HNRNPC: variants seen among roughly 807,000 people sequenced by gnomAD.
The protein encoded by HNRNPC is heterogeneous nuclear ribonucleoprotein C.
A neutral mutation model predicts 33.2 loss-of-function variants in HNRNPC; 3 were observed. The observed-to-expected ratio is 0.09, with a 90% CI of 0.04 to 0.23. The LOEUF (loss-of-function observed/expected upper bound fraction) is 0.23. Ranked by LOEUF, HNRNPC falls within the 10% of genes least tolerant of loss-of-function variation. The pLI, the probability that HNRNPC is intolerant of heterozygous loss-of-function variation, is 1.00. For synonymous variants in HNRNPC, 121 were observed against 126.7 expected, an observed-to-expected ratio of 0.96 and a Z score of 0.30; for missense variants, 143 against 366.7, an observed-to-expected ratio of 0.39 and a Z score of 4.98.
At position 21,210,794 on chromosome 14, in the gene HNRNPC, T is replaced by C. The variant is rs895530155; in HGVS notation, c.*429A>G. 4.4e-5 allele frequency: 8 copies of C among 181,704 alleles called. No homozygotes were observed. Among genetic ancestry groups the C allele is most frequent in the South Asian group, 3.8e-4 (3 of 7,804 alleles). 11.3% of individuals were successfully genotyped at this position (181,704 alleles called of 1,614,324 possible). The stretch of plus-strand genomic sequence containing the variant: ...CACTAATGTGAGGGTGTAACACACA[T>C]ACTTCTAACTCAAAGCTGCTTTCAA... On this transcript the variant is annotated 3_prime_UTR_variant, in exon 9 of 9. Transcript: ENST00000553300.
intron 2 of HNRNPC, among the ~76,000 whole-genome samples, chr14:21,236,840 C>T (rs1894746844): frequency 6.6e-6 from 1 of 152,052 alleles, no homozygotes; most frequent in Admixed American, 6.6e-5. Flanking sequence ...CAAAATAAGA[C>T]TCAAGATGGC....
At position 21,269,210 on chromosome 14, in the gene HNRNPC, G is replaced by A. The variant is rs551423864; in HGVS notation, c.-63+88C>T. The A allele has an allele frequency of 7.2e-5, 11 of 152,254 alleles. 1 individual carries two copies. The highest frequency in any genetic ancestry group is 2.6e-4 in the African/African-American group (11 of 41,520). 9.4% of individuals were successfully genotyped at this position (152,254 alleles called of 1,614,324 possible). On this transcript the variant is annotated intron_variant, in intron 1 of 8. Transcript: ENST00000553300. ...ATAAATGAGGGCCCGGTTAGTTAGG[G>A]GGAAGGATTCCCACATCTTCTCTCC...
intron 2 of HNRNPC, among the ~76,000 whole-genome samples, chr14:21,242,763 C>T (rs889770420): frequency 1.3e-5 from 2 of 152,178 alleles, no homozygotes; most frequent in Non-Finnish European, 1.5e-5. Flanking sequence ...CACTTAAACA[C>T]GCATTATCAC....
chr14:21,242,416 G>A (rs923539712), intron 2 of HNRNPC, among the ~76,000 whole-genome samples: 21 of 152,146 alleles, frequency 1.4e-4, no homozygotes, highest in African/African-American at 4.8e-4. Context: ...CCCAAGACGC[G>A]GAGGTTGCAG....
intron 2 of HNRNPC, among the ~76,000 whole-genome samples, chr14:21,244,763 C>T (rs921013564): frequency 1.3e-5 from 2 of 152,156 alleles, no homozygotes; most frequent in Non-Finnish European, 2.9e-5. Context: ...TAGCCTGTAT[C>T]GTATAGCCTA....
intron 2 of HNRNPC, among the ~76,000 whole-genome samples, chr14:21,254,801 G>T (rs1316528195): frequency 1.3e-5 from 2 of 152,150 alleles, no homozygotes; most frequent in African/African-American, 4.8e-5. Context: ...AGCTACTCGG[G>T]AAGCTGAGGC....
At chr14:21,226,042 G>A (rs928871102) in intron 5 of HNRNPC, among the ~76,000 whole-genome samples, 3 of 152,210 alleles carry the variant, frequency 2.0e-5, no homozygotes, top group Non-Finnish European at 2.9e-5. Flanking sequence ...GTTGGGCCAG[G>A]TGCAGTGGCT....
At chr14:21,215,067 C>A (rs996161809) in intron 5 of HNRNPC, among the ~76,000 whole-genome samples, 1 of 152,190 alleles carries the variant, frequency 6.6e-6, no homozygotes, top group Admixed American at 6.5e-5. Context: ...CAAAATAAAG[C>A]AAGTAATACA....
chr14:21,242,992 G>C (rs897792657), intron 2 of HNRNPC, among the ~76,000 whole-genome samples: 1 of 152,106 alleles, frequency 6.6e-6, no homozygotes, highest in African/African-American at 2.4e-5. Context: ...GGGTGTGGTG[G>C]CACATACCTG....
intron 5 of HNRNPC, among the ~76,000 whole-genome samples, chr14:21,229,289 C>G (rs1052898865): frequency 1.3e-5 from 2 of 149,562 alleles, no homozygotes; most frequent in African/African-American, 4.9e-5. Flanking sequence ...ACTCAGGAGG[C>G]TGTGCCAGGA....
intron 5 of HNRNPC, among the ~76,000 whole-genome samples, chr14:21,218,754 C>CT (rs1892508501): frequency 6.9e-6 from 1 of 145,712 alleles, no homozygotes; most frequent in Admixed American, 6.9e-5. Flanking sequence ...AATCCCAGCA[C>CT]TTTGGAAGGC....
rs772416249 is a variant in HNRNPC at position 21,260,730 on chromosome 14, C to G, written c.-37+2581G>C. ...CTGTAATTCCAGCACTTTGGGAGGC[C>G]GAGGCGGGCAGACCATGAGATCAGG... On this transcript the variant is annotated intron_variant, in intron 2 of 8. Coordinates refer to ENST00000553300, the MANE Select transcript of HNRNPC (RefSeq NM_004500.4). Among the ~76,000 whole-genome samples, 3 of 151,678 alleles carry G rather than the reference C, an allele frequency of 2.0e-5. No homozygotes were observed. In the East Asian group the frequency reaches 5.8e-4, roughly 29 times the overall value.
chr14:21,248,383 T>G (rs1031144687), intron 2 of HNRNPC, among the ~76,000 whole-genome samples: 8 of 152,200 alleles, frequency 5.3e-5, no homozygotes, highest in African/African-American at 1.9e-4. Context: ...GCTAGTGGCA[T>G]GCACTTTCTT....
intron 2 of HNRNPC, among the ~76,000 whole-genome samples, chr14:21,245,555 G>C (rs1895889841): frequency 1.3e-5 from 2 of 152,016 alleles, no homozygotes; most frequent in African/African-American, 4.8e-5. Context: ...ACCATGAATG[G>C]AGCTTTTAGG....
chr14:21,211,389 T>C lies in HNRNPC; in HGVS notation c.798+17A>G. ...CCCCCTCCACCACCTTTTTCTTTCC[T>C]TTCCCGTGGTTTTCACCTGGTCATC... On this transcript the variant is annotated intron_variant, in intron 8 of 8. Transcript: ENST00000553300. The C allele has an allele frequency of 1.4e-6, 2 of 1,470,414 alleles. No individual in the cohort carries two copies. Among genetic ancestry groups the C allele is most frequent in the South Asian group, 1.1e-5 (1 of 88,922 alleles). The allele number at this position is 1,470,414 out of a possible 1,614,324, so 91.1% of individuals were successfully genotyped here. A position where few individuals can be genotyped will look rare whatever the true frequency, so the allele number is the denominator to read the frequency against.
At chr14:21,212,520 A>C (rs1359958507) in intron 6 of HNRNPC, among the ~76,000 whole-genome samples, 1 of 151,912 alleles carries the variant, frequency 6.6e-6, no homozygotes. Flanking sequence ...ACTCAATCAC[A>C]ATCTTGTCTC....
chr14:21,259,027 A>G (rs753179475), intron 2 of HNRNPC, among the ~76,000 whole-genome samples: 1 of 152,188 alleles, frequency 6.6e-6, no homozygotes, highest in Non-Finnish European at 1.5e-5. Context: ...TGTGCCCAAG[A>G]CAGGATCTTA....
chr14:21,248,687 A>G (rs1896274469), intron 2 of HNRNPC, among the ~76,000 whole-genome samples: 1 of 152,230 alleles, frequency 6.6e-6, no homozygotes. Context: ...TAAACCAAGT[A>G]CCATGTTCCA....
At chr14:21,218,275 T>C (rs1288076938) in intron 5 of HNRNPC, among the ~76,000 whole-genome samples, 1 of 152,174 alleles carries the variant, frequency 6.6e-6, no homozygotes. Flanking sequence ...CAAATAACTT[T>C]AACATTACTC....
Sources: allele counts gnomAD v4.1 joint callset (sites outside exome capture counted in the v4.1 genomes callset), GRCh38; gene constraint gnomAD v4.1.1; transcripts MANE v1.5; gene names NCBI Gene and HGNC (gene_info 2026-07-23, HGNC 2026-07-21).